Variants in TNKS observed in about 807,000 individuals in gnomAD.
The protein encoded by TNKS is tankyrase, also known as poly [ADP-ribose] polymerase tankyrase-1.
A neutral mutation model predicts 135.8 loss-of-function variants in TNKS; 72 were observed. The observed-to-expected ratio is 0.53, with a 90% CI of 0.44 to 0.64. The LOEUF is 0.64. Ranked by LOEUF, TNKS falls within the 30% of genes least tolerant of loss-of-function variation. The pLI is 0.00. For synonymous variants in TNKS, 849 were observed against 649.3 expected (o/e 1.31, Z -4.68); for missense variants, 1,769 against 1,674.0 (o/e 1.06, Z -0.99).
rs530899004 is a variant in TNKS, at chr8:9,732,726, C to G, written c.2148-553C>G. Among the ~76,000 whole-genome samples the G allele has an allele frequency of 3.3e-4, 50 of 152,292 alleles. 1 individual carries two copies. The Middle Eastern group carries it at 0.014, about 41-fold the overall frequency. ...CTTACAAATCAGAGCTTAGACTCCT[C>G]TCAGAATAGTTTGCCCATTTCTCAT... is the stretch of plus-strand genomic sequence containing the variant. On this transcript the variant is annotated intron_variant, in intron 14 of 26. Coordinates refer to ENST00000310430, the MANE Select transcript of TNKS (RefSeq NM_003747.3).
At chr8:9,773,092 A>G (rs1808028777) in intron 26 of TNKS, among the ~76,000 whole-genome samples, 2 of 151,936 alleles carry the variant, frequency 1.3e-5, no homozygotes, top group African/African-American at 4.8e-5. Flanking sequence ...TGTTTAAATC[A>G]TAAACCTTTA....
At chr8:9,772,808 TTTG>T (rs1807995468) in intron 26 of TNKS, among the ~76,000 whole-genome samples, 1 of 102,370 alleles carries the variant, frequency 9.8e-6, no homozygotes, top group African/African-American at 4.4e-5. Context: ...TGTGTGTGTG[TTTG>T]TGTGTGTGTG....
intron 12 of TNKS, 52 bp downstream of exon 12, chr8:9,720,597 C>A: frequency 3.3e-6 from 5 of 1,532,388 alleles, no homozygotes; most frequent in Non-Finnish European, 3.5e-6. Flanking sequence ...TCCATCCCTG[C>A]TGAAATACAC....
intron 19 of TNKS, 44 bp downstream of exon 19, chr8:9,751,890 A>C (rs767638573): frequency 6.4e-7 from 1 of 1,574,414 alleles, no homozygotes; most frequent in Admixed American, 1.7e-5. Context: ...ACCTTTTGTT[A>C]GTGGAGCAGA....
chr8:9,587,694 G>A (rs7018348), intron 2 of TNKS, among the ~76,000 whole-genome samples: 9,130 of 152,200 alleles, frequency 0.06, 339 homozygotes, highest in South Asian at 0.16. Context: ...GAGCCACTGC[G>A]CCTGGCCGAC....
chr8:9,596,103 C>T (rs1266963724), intron 2 of TNKS, among the ~76,000 whole-genome samples: 11 of 152,106 alleles, frequency 7.2e-5, no homozygotes, highest in Admixed American at 7.2e-4. Context: ...AGAGGGGACC[C>T]TGTCTCAAAA....
At chr8:9,759,955 G>A (rs960337257) in intron 20 of TNKS, among the ~76,000 whole-genome samples, 2 of 151,442 alleles carry the variant, frequency 1.3e-5, no homozygotes, top group Admixed American at 6.6e-5. Context: ...TCCAGCCGGG[G>A]CGACAGAGCG....
At chr8:9,578,365 A>G (rs1798038982) in intron 1 of TNKS, among the ~76,000 whole-genome samples, 1 of 152,236 alleles carries the variant, frequency 6.6e-6, no homozygotes, top group Non-Finnish European at 1.5e-5. Context: ...GGTATTTAAA[A>G]AACAAAACCA....
intron 3 of TNKS, among the ~76,000 whole-genome samples, chr8:9,634,110 TA>T (rs1297821897): frequency 2.7e-5 from 4 of 149,530 alleles, no homozygotes; most frequent in African/African-American, 4.9e-5. Flanking sequence ...TATGTATATA[TA>T]TTTTTTTTCC....
chr8:9,683,948 GC>G (rs1264711068), intron 5 of TNKS, among the ~76,000 whole-genome samples: 6 of 151,672 alleles, frequency 4.0e-5, no homozygotes, highest in African/African-American at 1.5e-4. Context: ...AATTTTATTG[GC>G]TTTTTTTTTC....
chr8:9,585,567 A>G (rs888370765), intron 2 of TNKS, among the ~76,000 whole-genome samples: 6 of 152,194 alleles, frequency 3.9e-5, no homozygotes, highest in Non-Finnish European at 4.4e-5. Flanking sequence ...TTTCATTTAC[A>G]ATATTGACAG....
chr8:9,582,256 C>T (rs909583706), intron 2 of TNKS, among the ~76,000 whole-genome samples: 1 of 151,364 alleles, frequency 6.6e-6, no homozygotes, highest in African/African-American at 2.4e-5. Context: ...TGAGATTTTT[C>T]TCTGTAAGGC....
At chr8:9,670,031 C>T (rs539203790) in intron 3 of TNKS, 25 of 152,200 alleles carry the variant, frequency 1.6e-4, no homozygotes, top group African/African-American at 5.5e-4. Flanking sequence ...CATAATTAAC[C>T]GTCTCTTATT....
chr8:9,644,850 T>G (rs1206122544), intron 3 of TNKS, among the ~76,000 whole-genome samples: 1 of 152,108 alleles, frequency 6.6e-6, no homozygotes, highest in Non-Finnish European at 1.5e-5. Flanking sequence ...AACCATTCTG[T>G]TTTTCATTTT....
intron 26 of TNKS, among the ~76,000 whole-genome samples, chr8:9,774,409 G>C (rs934172484): frequency 3.3e-5 from 5 of 152,170 alleles, no homozygotes; most frequent in African/African-American, 1.2e-4. Flanking sequence ...TCAAATTTTA[G>C]TGTTAGGGAT....
chr8:9,704,144 T>C (rs572246495), intron 5 of TNKS, among the ~76,000 whole-genome samples: 2 of 152,310 alleles, frequency 1.3e-5, no homozygotes, highest in East Asian at 3.9e-4. Flanking sequence ...ATAAGGCCCA[T>C]TGTCCTTTTT....
rs757780322 is a variant in TNKS, at chr8:9,556,317, C to A, written c.378C>A (p.Asn126Lys). The change falls in exon 1 of 27, where the codon AAC becomes AAA. Residue 126 changes from asparagine to lysine, a missense_variant. Asn to Lys is a moderately conservative substitution (Grantham distance 94, BLOSUM62 0). Around this residue, in one of 5 missense-constraint regions of TNKS, gnomAD observed 450 missense variants for 304.9 expected, o/e 1.48. Coordinates refer to ENST00000310430, the MANE Select transcript of TNKS (RefSeq NM_003747.3). ...CCAACCCAGCCGGCAGTGGCAGTAA[C>A]AATTCACCGTCGTCCTCTTCTTCCC... ...VAPNPAGSGS[N>K]NSPSSSSSPT... The A allele has an allele frequency of 6.2e-7, 1 of 1,614,138 alleles. No individual in the cohort carries two copies. Among genetic ancestry groups the A allele is most frequent in the African/African-American group, 1.3e-5 (1 of 74,952 alleles).
chr8:9,676,714 G>GTGTT (rs1408742674), intron 3 of TNKS, among the ~76,000 whole-genome samples: 1 of 151,290 alleles, frequency 6.6e-6, no homozygotes, highest in Non-Finnish European at 1.5e-5. Flanking sequence ...GTGTGTGTTT[G>GTGTT]TGTGTGTGTA....
In TNKS at chr8:9,646,616, C is replaced by G. The variant is rs1800928930; in HGVS notation, c.994+30939C>G. 2.0e-5 allele frequency among the ~76,000 whole-genome samples: 3 copies of G among 152,102 alleles called. No homozygotes were observed. The South Asian group carries it at 6.2e-4, about 32-fold the overall frequency. ...AATGACATGTATTAAGGTTTATTAT[C>G]AGAAACTCATGGAATCTCAAGGTTA... On this transcript the variant is annotated intron_variant, in intron 3 of 26. Transcript: ENST00000310430.
Sources: allele counts gnomAD v4.1 joint callset (sites outside exome capture counted in the v4.1 genomes callset), GRCh38; gene constraint gnomAD v4.1.1; regional missense constraint gnomAD v4.1.1; transcripts MANE v1.5; gene names NCBI Gene and HGNC (gene_info 2026-07-23, HGNC 2026-07-21).